The following CPLANE1 variants were observed in gnomAD, a reference collection of about 807,000 sequenced individuals.
The protein encoded by CPLANE1 is ciliogenesis and planar polarity effector complex subunit 1.
Under a neutral mutation model 362.5 loss-of-function variants are expected in CPLANE1, and 263 were observed. The ratio of observed to expected loss-of-function variants is 0.73; its 90% CI spans 0.66 to 0.80. The LOEUF is 0.80. Among genes scored for constraint, CPLANE1 ranks in the 30% least tolerant of loss-of-function variants. CPLANE1 has a pLI of 0.00. For missense variants in CPLANE1, 3,461 were observed against 3,793.4 expected, an observed-to-expected ratio of 0.91 and a Z score of 2.30; for synonymous variants, 1,212 against 1,302.6, an observed-to-expected ratio of 0.93 and a Z score of 1.50.
intron 21 of CPLANE1, among the ~76,000 whole-genome samples, chr5:37,188,922 C>T (rs369464468): frequency 1.3e-5 from 2 of 152,174 alleles, no homozygotes; most frequent in Non-Finnish European, 1.5e-5. Context: ...TGCAGTGGTG[C>T]GATCTTGGCC....
At chr5:37,196,103 AAC>A (rs1580637027) in intron 20 of CPLANE1, 107 bp from the exon 21 acceptor site, 1 of 770,528 alleles carries the variant, frequency 1.3e-6, no homozygotes. Context: ...CAGAATGGAA[AAC>A]ACAGCACATG....
At chr5:37,082,175 A>G in the CPLANE1 span, among the ~76,000 whole-genome samples, 2 of 152,212 alleles carry the variant, frequency 1.3e-5, no homozygotes, top group Non-Finnish European at 2.9e-5. Flanking sequence ...GTTAGAAACA[A>G]TGGGAGCAAG....
At chr5:37,127,208 A>G (rs1462024576) in intron 46 of CPLANE1, among the ~76,000 whole-genome samples, 1 of 152,228 alleles carries the variant, frequency 6.6e-6, no homozygotes, top group East Asian at 1.9e-4. Flanking sequence ...AATTATAGCC[A>G]TGAAAACGAC....
intron 16 of CPLANE1, among the ~76,000 whole-genome samples, chr5:37,208,243 CCCT>C (rs1431657517): frequency 1.3e-5 from 2 of 152,262 alleles, no homozygotes; most frequent in Non-Finnish European, 2.9e-5. Flanking sequence ...ACATGCCCAG[CCCT>C]CCTCCTCTAG....
At chr5:37,115,106 T>C in intron 50 of CPLANE1, 57 bp from the exon 51 acceptor site, 1 of 1,110,108 alleles carries the variant, frequency 9.0e-7, no homozygotes, top group Non-Finnish European at 1.4e-6. Context: ...TTTTTATATA[T>C]ATTGTGAGTT....
Position 37,138,012 on chromosome 5 carries a change from A to G in CPLANE1, c.8792+708T>C, listed in dbSNP as rs146568773. Among the ~76,000 whole-genome samples, 147 of 152,148 alleles carry G rather than the reference A, an allele frequency of 9.7e-4. 1 individual carries two copies. The highest frequency in any genetic ancestry group is 3.1e-3 in the African/African-American group (127 of 41,482). On this transcript the variant is annotated intron_variant, in intron 46 of 52. Transcript: ENST00000651892. ...CTGTGTGCAGATGAAAAGAATGTAT[A>G]TTCTGTGGTTGATGGGTGGAGCGTT...
chr5:37,237,736 G>A (rs1270702248), intron 8 of CPLANE1, among the ~76,000 whole-genome samples: 2 of 152,194 alleles, frequency 1.3e-5, no homozygotes, highest in Admixed American at 1.3e-4. Flanking sequence ...TTTAATCCCA[G>A]CTACGCGGGA....
Position 37,141,016 on chromosome 5 carries a change from A to G in CPLANE1, c.8632+1294T>C, listed in dbSNP as rs1353088398. Reference sequence around the variant, plus strand: ...TACCTTTGCCTTAGACTCTGGCAACACTAAACAACCACGTTCCCCCTCTCC... The same window carrying G: ...TACCTTTGCCTTAGACTCTGGCAACGCTAAACAACCACGTTCCCCCTCTCC... On this transcript the variant is annotated intron_variant, in intron 44 of 52. Transcript: ENST00000651892. 5 of 985,296 alleles carry G rather than the reference A, an allele frequency of 5.1e-6. No homozygotes were observed. In the African/African-American group the frequency reaches 8.7e-5, roughly 17 times the overall value. 61.0% of individuals were successfully genotyped at this position (985,296 alleles called of 1,614,324 possible).
At chr5:37,236,261 G>A (rs1448358597) in intron 8 of CPLANE1, among the ~76,000 whole-genome samples, 3 of 152,116 alleles carry the variant, frequency 2.0e-5, no homozygotes, top group African/African-American at 4.8e-5. Flanking sequence ...ACAGAACCCA[G>A]AAATAAAGCC....
At chr5:37,152,956 T>C (rs1773998031) in intron 42 of CPLANE1, among the ~76,000 whole-genome samples, 1 of 152,032 alleles carries the variant, frequency 6.6e-6, no homozygotes. Context: ...TTATATAAAA[T>C]ATTTAAAAGA....
Position 37,199,062 on chromosome 5 carries a change from A to C in CPLANE1, c.3508-196T>G, listed in dbSNP as rs1190317092. On this transcript the variant is annotated intron_variant, in intron 19 of 52. Coordinates refer to ENST00000651892, the MANE Select transcript of CPLANE1 (RefSeq NM_001384732.1). ...AAGTGAGCCATGATTGCATCACTGC[A>C]CTCAAGCCTGGGCCACACAGGGACA... 2.1e-5 allele frequency among the ~76,000 whole-genome samples: 3 copies of C among 142,166 alleles called. No individual in the cohort carries two copies. The East Asian group carries it at 6.3e-4, about 30-fold the overall frequency. The allele number at this position is 142,166 out of a possible 152,430, so 93.3% of individuals were successfully genotyped here.
chr5:37,097,036 C>T, the CPLANE1 span, among the ~76,000 whole-genome samples: 76,730 of 151,850 alleles, frequency 0.51, 22,283 homozygotes, highest in African/African-American at 0.82. Context: ...CATTATATAA[C>T]GATAAAGGGA....
chr5:37,207,518 CACG>C (rs1791104916), intron 16 of CPLANE1, among the ~76,000 whole-genome samples: 1 of 152,144 alleles, frequency 6.6e-6, no homozygotes, highest in African/African-American at 2.4e-5. Context: ...TAAAAAAGTT[CACG>C]ACCTTTTAAA....
At chr5:37,182,010 T>A (rs1782786923) in intron 26 of CPLANE1, among the ~76,000 whole-genome samples, 1 of 151,864 alleles carries the variant, frequency 6.6e-6, no homozygotes, top group African/African-American at 2.4e-5. Flanking sequence ...GAGAATCGCT[T>A]GAATCCAGGA....
chr5:37,229,549 A>C (rs1178880824), intron 9 of CPLANE1, among the ~76,000 whole-genome samples: 1 of 151,918 alleles, frequency 6.6e-6, no homozygotes, highest in East Asian at 1.9e-4. Context: ...AAAATAAATA[A>C]ATAAATAATA....
At chr5:37,084,178 T>C in the CPLANE1 span, among the ~76,000 whole-genome samples, 1 of 152,200 alleles carries the variant, frequency 6.6e-6, no homozygotes, top group African/African-American at 2.4e-5. Flanking sequence ...TCAGTGAAAC[T>C]GAGCTTCATA....
chr5:37,114,062 C>T lies in CPLANE1; in HGVS notation c.9400+898G>A, dbSNP rs142007012. On this transcript the variant is annotated intron_variant, in intron 51 of 52. Coordinates refer to ENST00000651892, the MANE Select transcript of CPLANE1 (RefSeq NM_001384732.1). ...TCTTGGCCTCGTGATCCAACCACCA[C>T]GACCTCCCAAAGTGCTAGGATTATA... Among the ~76,000 whole-genome samples the T allele has an allele frequency of 9.9e-3, 1,504 of 152,316 alleles. 29 individuals carry two copies. Among genetic ancestry groups the T allele is most frequent in the African/African-American group, 0.034 (1,422 of 41,554 alleles).
At chr5:37,096,796 T>C in the CPLANE1 span, among the ~76,000 whole-genome samples, 5 of 151,704 alleles carry the variant, frequency 3.3e-5, no homozygotes, top group African/African-American at 9.7e-5. Context: ...AACAAACATA[T>C]GAAAAAATGC....
the CPLANE1 span, among the ~76,000 whole-genome samples, chr5:37,087,937 C>T: frequency 6.6e-6 from 1 of 152,218 alleles, no homozygotes; most frequent in East Asian, 1.9e-4. Flanking sequence ...CTCTGGAAGG[C>T]AGAATACAAT....
Sources: allele counts gnomAD v4.1 joint callset (sites outside exome capture counted in the v4.1 genomes callset), GRCh38; gene constraint gnomAD v4.1.1; transcripts MANE v1.5; gene names NCBI Gene and HGNC (gene_info 2026-07-23, HGNC 2026-07-21).